The following DLGAP4 variants were observed in gnomAD, a reference collection of about 807,000 sequenced individuals.
DLGAP4 encodes DLG associated protein 4.
DLGAP4 carries 18 observed loss-of-function variants against 86.9 expected under a neutral mutation model. That is an observed-to-expected ratio of 0.21 (90% CI 0.14 to 0.31). DLGAP4 has a LOEUF of 0.31. Ranked by LOEUF, DLGAP4 falls within the 10% of genes least tolerant of loss-of-function variation. The pLI, the probability that DLGAP4 is intolerant of heterozygous loss-of-function variation, is 1.00. For missense variants in DLGAP4, 1,085 were observed against 1,362.6 expected (o/e 0.80, Z 3.21); for synonymous variants, 548 against 574.3 (o/e 0.95, Z 0.65).
intron 7 of DLGAP4, among the ~76,000 whole-genome samples, chr20:36,458,344 CTTTTTTT>C (rs1173496431): frequency 1.1e-5 from 1 of 91,414 alleles, no homozygotes; most frequent in East Asian, 3.5e-4. Context: ...AACCCCATAT[CTTTTTTT>C]TTTTTTTTTT....
At chr20:36,501,868 G>A (rs997099262) in intron 10 of DLGAP4, among the ~76,000 whole-genome samples, 22 of 152,194 alleles carry the variant, frequency 1.4e-4, no homozygotes, top group African/African-American at 5.3e-4. Context: ...AAAGTACCTA[G>A]TAACTTTTTA....
chr20:36,382,615 T>C (rs6016878), intron 2 of DLGAP4, among the ~76,000 whole-genome samples: 106,537 of 148,292 alleles, frequency 0.72, 38,794 homozygotes, highest in African/African-American at 0.85. Flanking sequence ...CTGCAGCCTC[T>C]GCCTCTCGGG....
At chr20:36,493,190 G>C (rs2035741530) in intron 7 of DLGAP4, 1 of 152,222 alleles carries the variant, frequency 6.6e-6, no homozygotes, top group African/African-American at 2.4e-5. Context: ...CAACAGGTCA[G>C]TGACAAGAGC....
intron 2 of DLGAP4, among the ~76,000 whole-genome samples, chr20:36,367,680 C>A (rs557534071): frequency 6.6e-6 from 1 of 152,144 alleles, no homozygotes; most frequent in Non-Finnish European, 1.5e-5. Flanking sequence ...GCCCCCAGGG[C>A]GGCTTGAGGG....
chr20:36,380,645 G>T (rs1197063293), intron 2 of DLGAP4, among the ~76,000 whole-genome samples: 2 of 115,980 alleles, frequency 1.7e-5, no homozygotes, highest in African/African-American at 6.7e-5. Context: ...GAGAGAGAGA[G>T]AGAGAGAGAG....
At chr20:36,369,683 G>A (rs1186473974) in intron 2 of DLGAP4, among the ~76,000 whole-genome samples, 1 of 152,162 alleles carries the variant, frequency 6.6e-6, no homozygotes, top group Non-Finnish European at 1.5e-5. Flanking sequence ...GGTTTCTGAG[G>A]GGCCAGCAGT....
chr20:36,311,634 C>T (rs1293339281), intron 1 of DLGAP4, among the ~76,000 whole-genome samples: 2 of 152,206 alleles, frequency 1.3e-5, no homozygotes, highest in Non-Finnish European at 2.9e-5. Flanking sequence ...CACTGCTCAG[C>T]CCTCTGTTAG....
At chr20:36,474,788 A>G (rs1276468586) in intron 7 of DLGAP4, among the ~76,000 whole-genome samples, 1 of 152,038 alleles carries the variant, frequency 6.6e-6, no homozygotes, top group East Asian at 1.9e-4. Context: ...CCTCCTTCCT[A>G]CCCCACCTCC....
chr20:36,527,162 C>A lies in DLGAP4; in HGVS notation c.*131C>A. On this transcript the variant is annotated 3_prime_UTR_variant, in exon 13 of 13. Coordinates refer to ENST00000339266, the MANE Select transcript of DLGAP4 (RefSeq NM_001365621.2). ...GACCCTGAGCCAACTTTCAAATTGA[C>A]GCATACAAGGGCTCACAATTTGGCT... 1.0e-6 allele frequency: 1 copy of A among 993,810 alleles called. No homozygotes were observed. The highest frequency in any genetic ancestry group is 1.4e-6 in the Non-Finnish European group (1 of 700,980). The allele number at this position is 993,810 out of a possible 1,614,324, so 61.6% of individuals were successfully genotyped here. A position where few individuals can be genotyped will look rare whatever the true frequency, so the allele number is the denominator to read the frequency against.
intron 2 of DLGAP4, among the ~76,000 whole-genome samples, chr20:36,412,597 G>T (rs560345877): frequency 6.6e-6 from 1 of 152,306 alleles, no homozygotes; most frequent in East Asian, 1.9e-4. Context: ...TCTTTCTATA[G>T]AACGGGACCA....
chr20:36,395,645 C>T (rs1468354715), intron 2 of DLGAP4, among the ~76,000 whole-genome samples: 1 of 152,134 alleles, frequency 6.6e-6, no homozygotes, highest in Non-Finnish European at 1.5e-5. Flanking sequence ...ATTATAGGCA[C>T]ATGCCACCAC....
rs1321528098 is a variant in DLGAP4, at chr20:36,466,928, CTCTCTCTCTCTCTCTCTG to C, written c.1648+20009_1648+20026del. On this transcript the variant is annotated intron_variant, in intron 7 of 12. Transcript: ENST00000339266. ...TCAAAGCGAGTCTCTCGCTCTTGCT[CTCTCTCTCTCTCTCTCTG>C]TCTCTCTCTCTCTCTCTCTGTCTCT... 1.4e-3 allele frequency among the ~76,000 whole-genome samples: 209 copies of C among 145,552 alleles called. 2 individuals carry two copies. Among genetic ancestry groups the C allele is most frequent in the African/African-American group, 6.9e-4 (26 of 37,546 alleles).
At chr20:36,412,679 T>G (rs984163949) in intron 2 of DLGAP4, among the ~76,000 whole-genome samples, 2 of 152,230 alleles carry the variant, frequency 1.3e-5, no homozygotes, top group Non-Finnish European at 2.9e-5. Flanking sequence ...CTTACGTGTA[T>G]GTAGGAAGCA....
At chr20:36,365,603 C>T (rs1197551637) in intron 1 of DLGAP4, among the ~76,000 whole-genome samples, 2 of 152,172 alleles carry the variant, frequency 1.3e-5, no homozygotes, top group Non-Finnish European at 2.9e-5. Flanking sequence ...CGAAGCTCTC[C>T]GTGCCTTGGA....
At chr20:36,429,398 C>CTTTTTTTTTTTTT (rs151254062) in intron 2 of DLGAP4, among the ~76,000 whole-genome samples, 6 of 76,032 alleles carry the variant, frequency 7.9e-5, no homozygotes, top group East Asian at 4.5e-4. Flanking sequence ...TTCTTTTTTT[C>CTTTTTTTTTTTTT]TTTTTTTTTT....
intron 7 of DLGAP4, among the ~76,000 whole-genome samples, chr20:36,467,017 CCTCTCTCTCTCTCT>C (rs55778929): frequency 0.047 from 2,377 of 50,364 alleles, 78 homozygotes; most frequent in Middle Eastern, 0.065. Flanking sequence ...CTCTCTCTCT[CCTCTCTCTCTCTCT>C]CTCTCTCTCT....
intron 7 of DLGAP4, among the ~76,000 whole-genome samples, chr20:36,494,695 A>G (rs1178232933): frequency 6.6e-6 from 1 of 152,154 alleles, no homozygotes; most frequent in East Asian, 1.9e-4. Context: ...CCATCACTTC[A>G]TACAAGGGTC....
chr20:36,466,042 T>C (rs2034337439), intron 7 of DLGAP4, among the ~76,000 whole-genome samples: 1 of 152,158 alleles, frequency 6.6e-6, no homozygotes, highest in Non-Finnish European at 1.5e-5. Context: ...TTTTCTCATA[T>C]ATAAAATTTG....
At chr20:36,388,692 G>T (rs1383513054) in intron 2 of DLGAP4, among the ~76,000 whole-genome samples, 1 of 152,158 alleles carries the variant, frequency 6.6e-6, no homozygotes, top group Non-Finnish European at 1.5e-5. Flanking sequence ...GTTAAATTGG[G>T]GTAATAGACC....
Sources: allele counts gnomAD v4.1 joint callset (sites outside exome capture counted in the v4.1 genomes callset), GRCh38; gene constraint gnomAD v4.1.1; transcripts MANE v1.5; gene names NCBI Gene and HGNC (gene_info 2026-07-23, HGNC 2026-07-21).